The following CFAP61 variants were observed in gnomAD, a reference collection of about 807,000 sequenced individuals.
CFAP61 encodes the protein cilia and flagella associated protein 61.
Under a neutral mutation model 135.6 loss-of-function variants are expected in CFAP61, and 107 were observed. The ratio of observed to expected loss-of-function variants is 0.79; its 90% CI spans 0.67 to 0.93. The LOEUF (loss-of-function observed/expected upper bound fraction) is 0.93, where lower values mean the gene tolerates loss of function less well. Ranked by LOEUF, CFAP61 falls within the 40% of genes least tolerant of loss-of-function variation. CFAP61 has a pLI of 0.00. For synonymous variants in CFAP61, 575 were observed against 578.5 expected (o/e 0.99, Z 0.09); for missense variants, 1,507 against 1,556.2 (o/e 0.97, Z 0.53).
At chr20:20,054,013 G>GTTTTTTTTTTTTTTTTTTTTTTTTTTTTT (rs1239349657) in intron 1 of CFAP61, among the ~76,000 whole-genome samples, 1 of 59,100 alleles carries the variant, frequency 1.7e-5, no homozygotes, top group Non-Finnish European at 3.5e-5. Flanking sequence ...TTTTTTGTTT[G>GTTTTTTTTTTTTTTTTTTTTTTTTTTTTT]TTTTTTTTTT....
intron 13 of CFAP61, 109 bp from the exon 14 acceptor site, chr20:20,187,810 ATAAACATACTT>A: frequency 1.3e-6 from 1 of 760,750 alleles, no homozygotes. Flanking sequence ...CCAGTGTTAT[ATAAACATACTT>A]TACTGGATAT....
chr20:20,118,309 T>C (rs192841048), intron 8 of CFAP61, among the ~76,000 whole-genome samples: 18 of 138,426 alleles, frequency 1.3e-4, no homozygotes, highest in Non-Finnish European at 2.2e-4. Context: ...TTCTTTCTTT[T>C]CTTTCTTTCT....
chr20:20,308,404 C>G (rs1569277685), intron 25 of CFAP61, among the ~76,000 whole-genome samples: 1 of 150,286 alleles, frequency 6.7e-6, no homozygotes, highest in African/African-American at 2.5e-5. Context: ...AACATTCTCT[C>G]CAGATCATGT....
intron 18 of CFAP61, among the ~76,000 whole-genome samples, chr20:20,234,261 A>G (rs577718119): frequency 6.6e-6 from 1 of 152,222 alleles, no homozygotes; most frequent in Non-Finnish European, 1.5e-5. Context: ...GGCCGTGGGC[A>G]GAGAGAGGCA....
At chr20:20,088,364 C>T (rs147799752) in intron 6 of CFAP61, among the ~76,000 whole-genome samples, 65 of 152,276 alleles carry the variant, frequency 4.3e-4, no homozygotes, top group Middle Eastern at 3.4e-3. Context: ...TTAATTGACT[C>T]ACAGTTCTGC....
intron 6 of CFAP61, among the ~76,000 whole-genome samples, chr20:20,086,655 T>G (rs1054335723): frequency 6.6e-6 from 1 of 152,254 alleles, no homozygotes; most frequent in East Asian, 1.9e-4. Context: ...TCAGTGTAAA[T>G]GGGACCCTTG....
chr20:20,084,447 C>T (rs2046654542), intron 6 of CFAP61, among the ~76,000 whole-genome samples: 4 of 151,688 alleles, frequency 2.6e-5, no homozygotes, highest in African/African-American at 9.7e-5. Context: ...GCTGTCACTC[C>T]AGTCCTTAAG....
intron 26 of CFAP61, among the ~76,000 whole-genome samples, chr20:20,348,751 G>T (rs1363655203): frequency 1.0e-5 from 1 of 100,424 alleles, no homozygotes; most frequent in African/African-American, 3.7e-5. Flanking sequence ...AATTGGTGCA[G>T]AAAAAGCATT....
chr20:20,233,533 A>G (rs1363643769), intron 18 of CFAP61, among the ~76,000 whole-genome samples: 1 of 152,188 alleles, frequency 6.6e-6, no homozygotes, highest in Non-Finnish European at 1.5e-5. Flanking sequence ...ACGGGACATC[A>G]GTTCTGGTGC....
At chr20:20,263,527 G>A (rs945702576) in intron 21 of CFAP61, among the ~76,000 whole-genome samples, 45 of 152,108 alleles carry the variant, frequency 3.0e-4, no homozygotes, top group African/African-American at 1.1e-3. Context: ...TATTGGAAGG[G>A]CCTTTTCTTC....
chr20:20,222,539 C>T (rs973220268), intron 17 of CFAP61, among the ~76,000 whole-genome samples: 2 of 152,128 alleles, frequency 1.3e-5, no homozygotes, highest in Non-Finnish European at 2.9e-5. Context: ...TTCCCAGTAC[C>T]CCCAACCGAG....
intron 17 of CFAP61, among the ~76,000 whole-genome samples, chr20:20,205,876 A>T (rs1029629293): frequency 4.6e-5 from 7 of 152,214 alleles, no homozygotes; most frequent in African/African-American, 1.7e-4. Flanking sequence ...GGAAGAAAAA[A>T]ATTATGATCC....
At chr20:20,111,495 A>G (rs1281952917) in intron 8 of CFAP61, among the ~76,000 whole-genome samples, 1 of 152,210 alleles carries the variant, frequency 6.6e-6, no homozygotes, top group Non-Finnish European at 1.5e-5. Context: ...GGGCTTTGTA[A>G]GCATAGGCTC....
intron 25 of CFAP61, among the ~76,000 whole-genome samples, chr20:20,337,291 TA>T (rs2058236116): frequency 9.8e-5 from 1 of 10,216 alleles, no homozygotes; most frequent in Non-Finnish European, 9.6e-4. Flanking sequence ...GATGGATGGA[TA>T]GATGGATGGA....
intron 19 of CFAP61, 45 bp from the exon 20 acceptor site, chr20:20,251,550 C>T (rs1601622537): frequency 1.3e-6 from 2 of 1,595,050 alleles, no homozygotes; most frequent in Non-Finnish European, 1.7e-6. Context: ...TTAATGCCCG[C>T]TGTCAGCTGC....
rs947820600 is a variant in CFAP61 at position 20,284,980 on chromosome 20, T to C, written c.2797-3629T>C. Among the ~76,000 whole-genome samples, 10 of 152,356 alleles carry C rather than the reference T, an allele frequency of 6.6e-5. No individual in the cohort carries two copies. The East Asian group carries it at 1.9e-3, about 29-fold the overall frequency. ...AGCATTTATTGTATTGTAGGTCTGC[T>C]AAAAAGTAATTCTTTAGTTTTGCTC... On this transcript the variant is annotated intron_variant, in intron 22 of 26. Transcript: ENST00000245957.
At chr20:20,056,277 A>G (rs2044330347) in intron 1 of CFAP61, among the ~76,000 whole-genome samples, 1 of 152,214 alleles carries the variant, frequency 6.6e-6, no homozygotes, top group South Asian at 2.1e-4. Flanking sequence ...ACTCTTCACC[A>G]CATGCCATCG....
intron 1 of CFAP61, among the ~76,000 whole-genome samples, chr20:20,052,990 A>G (rs1263362643): frequency 2.0e-5 from 3 of 152,366 alleles, no homozygotes; most frequent in Non-Finnish European, 4.4e-5. Context: ...CTTTGAAGCC[A>G]GATATTAGGA....
chr20:20,311,072 G>A (rs1331041494), intron 25 of CFAP61, among the ~76,000 whole-genome samples: 1 of 152,206 alleles, frequency 6.6e-6, no homozygotes, highest in East Asian at 1.9e-4. Flanking sequence ...TTCCCGGCCT[G>A]TGATATTTTG....
Sources: gnomAD v4.1 joint callset for allele counts (sites outside exome capture counted in the v4.1 genomes callset) on GRCh38, gnomAD v4.1.1 for gene constraint, MANE v1.5 for transcripts, NCBI Gene and HGNC (gene_info 2026-07-23, HGNC 2026-07-21) for gene names.